Variants in PEBP4 observed in about 807,000 individuals in gnomAD.
PEBP4 encodes the protein phosphatidylethanolamine-binding protein 4.
A neutral mutation model predicts 23.9 loss-of-function variants in PEBP4; 22 were observed. The ratio of observed to expected loss-of-function variants is 0.92; its 90% CI spans 0.66 to 1.31. The LOEUF (loss-of-function observed/expected upper bound fraction) is 1.31, where lower values mean the gene tolerates loss of function less well. PEBP4 is among the 40% of genes most tolerant of loss of function. The probability of loss-of-function intolerance (pLI) is 0.00; values close to 1 mark genes in which losing one functional copy is unlikely to be tolerated. For synonymous variants in PEBP4, 112 were observed against 99.3 expected, an observed-to-expected ratio of 1.13 and a Z score of -0.76; for missense variants, 324 against 281.7, an observed-to-expected ratio of 1.15 and a Z score of -1.07.
At chr8:22,754,390 T>C (rs920767099) in intron 4 of PEBP4, among the ~76,000 whole-genome samples, 5 of 152,256 alleles carry the variant, frequency 3.3e-5, no homozygotes, top group Admixed American at 2.6e-4. Context: ...AATGATTTTA[T>C]GACCTTAACC....
intron 3 of PEBP4, among the ~76,000 whole-genome samples, chr8:22,914,659 T>C (rs1179689916): frequency 6.6e-6 from 1 of 152,108 alleles, no homozygotes; most frequent in Non-Finnish European, 1.5e-5. Context: ...CCTCTCAGAG[T>C]CCACGCCTGC....
rs761722562 is a variant in PEBP4 at position 22,940,490 on chromosome 8, C to CTT, written c.145-12772_145-12771dup. ...AACACCACCTTTACCATGAATTTCT[C>CTT]TTTTTTTTTTTTTTTCGAGACGGAG... On this transcript the variant is annotated intron_variant, in intron 1 of 1. Coordinates refer to the PEBP4 transcript ENST00000522278. 3.1e-4 allele frequency among the ~76,000 whole-genome samples: 34 copies of CTT among 110,024 alleles called. 2 individuals are homozygous for CTT. In the South Asian group the frequency reaches 8.6e-3, roughly 28 times the overall value. 72.2% of individuals were successfully genotyped at this position (110,024 alleles called of 152,430 possible).
intron 4 of PEBP4, among the ~76,000 whole-genome samples, chr8:22,760,516 G>A (rs1292589488): frequency 6.6e-6 from 1 of 152,142 alleles, no homozygotes; most frequent in Non-Finnish European, 1.5e-5. Flanking sequence ...AGGCCATGGG[G>A]GTTGAGGCTG....
intron 3 of PEBP4, among the ~76,000 whole-genome samples, chr8:22,862,805 T>G (rs1807806615): frequency 6.7e-6 from 1 of 149,008 alleles, no homozygotes; most frequent in African/African-American, 2.5e-5. Flanking sequence ...TAACCTTTTT[T>G]TTTTTTTTTT....
At chr8:22,883,982 T>C (rs1206662721) in intron 3 of PEBP4, 1 of 152,072 alleles carries the variant, frequency 6.6e-6, no homozygotes, top group Admixed American at 6.5e-5. Flanking sequence ...TATGTTGGAG[T>C]GCAAAGGCTT....
At chr8:22,729,723 T>A (rs1804693424) in intron 4 of PEBP4, among the ~76,000 whole-genome samples, 1 of 151,990 alleles carries the variant, frequency 6.6e-6, no homozygotes, top group African/African-American at 2.4e-5. Flanking sequence ...ACTGTTCAGG[T>A]CCCCCCTGGA....
chr8:22,742,546 G>A (rs1253083721), intron 4 of PEBP4, among the ~76,000 whole-genome samples: 1 of 152,180 alleles, frequency 6.6e-6, no homozygotes, highest in Non-Finnish European at 1.5e-5. Flanking sequence ...ACCCCTCTGG[G>A]GACAGAAGGG....
chr8:22,921,371 A>G (rs1223457505), intron 2 of PEBP4, among the ~76,000 whole-genome samples: 1 of 152,210 alleles, frequency 6.6e-6, no homozygotes, highest in Non-Finnish European at 1.5e-5. Context: ...AGCGGTCCAC[A>G]GTGCCTTGCT....
intron 4 of PEBP4, among the ~76,000 whole-genome samples, chr8:22,806,119 T>C (rs540720014): frequency 1.3e-5 from 2 of 152,342 alleles, no homozygotes; most frequent in African/African-American, 4.8e-5. Context: ...ACCTCTGACA[T>C]GCCAGATCTT....
intron 6 of PEBP4, among the ~76,000 whole-genome samples, chr8:22,718,169 G>A (rs564196923): frequency 2.0e-5 from 3 of 152,152 alleles, no homozygotes; most frequent in South Asian, 2.1e-4. Flanking sequence ...GCAGAGTTTC[G>A]GGGTGGTGAG....
At chr8:22,825,536 G>T (rs1488037893) in intron 3 of PEBP4, among the ~76,000 whole-genome samples, 1 of 152,208 alleles carries the variant, frequency 6.6e-6, no homozygotes, top group Non-Finnish European at 1.5e-5. Context: ...GCCCATGAAT[G>T]CTTATTACAC....
intron 4 of PEBP4, chr8:22,757,914 C>G (rs1472083046): frequency 6.6e-6 from 1 of 152,264 alleles, no homozygotes; most frequent in African/African-American, 2.4e-5. Flanking sequence ...GCCCAGCTTC[C>G]CTGGCCGGAT....
chr8:22,836,457 C>T (rs1807207033), intron 3 of PEBP4, among the ~76,000 whole-genome samples: 1 of 152,242 alleles, frequency 6.6e-6, no homozygotes, highest in Non-Finnish European at 1.5e-5. Context: ...TTAAAACATC[C>T]ATGCTACAAA....
chr8:22,804,409 C>G (rs762837198), intron 4 of PEBP4, among the ~76,000 whole-genome samples: 26 of 152,110 alleles, frequency 1.7e-4, no homozygotes, highest in Non-Finnish European at 3.5e-4. Context: ...GACTCCTTGC[C>G]CAGGCCTGGA....
intron 4 of PEBP4, among the ~76,000 whole-genome samples, chr8:22,766,386 C>T (rs781006269): frequency 1.3e-5 from 2 of 152,192 alleles, no homozygotes; most frequent in African/African-American, 2.4e-5. Flanking sequence ...AGCCCCTTGG[C>T]GATAACATAA....
intron 4 of PEBP4, among the ~76,000 whole-genome samples, chr8:22,768,805 C>T (rs866588938): frequency 2.2e-4 from 34 of 152,188 alleles, no homozygotes; most frequent in Admixed American, 1.2e-3. Flanking sequence ...TTGCAGCCTC[C>T]GGAGACCCAC....
intron 6 of PEBP4, among the ~76,000 whole-genome samples, chr8:22,723,423 C>T (rs944890440): frequency 6.6e-6 from 1 of 152,162 alleles, no homozygotes; most frequent in Non-Finnish European, 1.5e-5. Flanking sequence ...ATCCTTCCCT[C>T]CATCCTGCCT....
chr8:22,838,567 C>T (rs1195940442), intron 3 of PEBP4, among the ~76,000 whole-genome samples: 1 of 152,262 alleles, frequency 6.6e-6, no homozygotes, highest in East Asian at 1.9e-4. Flanking sequence ...CTCCCAACAG[C>T]ATCCACAGAA....
At chr8:22,928,315 G>T (rs1455741200), upstream of PEBP4, among the ~76,000 whole-genome samples, 1 of 152,238 alleles carries the variant, frequency 6.6e-6, no homozygotes, top group African/African-American at 2.4e-5. Context: ...TGCTGCAGGG[G>T]GTGGGGGTAG....
Sources: gnomAD v4.1 joint callset for allele counts (sites outside exome capture counted in the v4.1 genomes callset) on GRCh38, gnomAD v4.1.1 for gene constraint, MANE v1.5 for transcripts, NCBI Gene and HGNC (gene_info 2026-07-23, HGNC 2026-07-21) for gene names.